Variants in IL15 observed in about 807,000 individuals in gnomAD.
IL15 encodes interleukin-15.
In IL15, 11 loss-of-function variants were observed where a neutral mutation model predicts 19.6. The ratio of observed to expected loss-of-function variants is 0.56; its 90% confidence interval spans 0.35 to 0.93. The LOEUF is 0.93. IL15 is among the 40% of genes least tolerant of loss of function. The pLI, the probability that IL15 is intolerant of heterozygous loss-of-function variation, is 0.01. For missense variants in IL15, 197 were observed against 186.5 expected, an observed-to-expected ratio of 1.06 and a Z score of -0.33; for synonymous variants, 58 against 59.6, an observed-to-expected ratio of 0.97 and a Z score of 0.12.
At chr4:141,723,251 G>A (rs1730149400) in intron 5 of IL15, among the ~76,000 whole-genome samples, 1 of 152,126 alleles carries the variant, frequency 6.6e-6, no homozygotes, top group African/African-American at 2.4e-5. Flanking sequence ...CTTAAAATGT[G>A]ATCTTATTTT....
At chr4:141,638,420 G>A (rs1560896119) in intron 1 of IL15, among the ~76,000 whole-genome samples, 1 of 152,154 alleles carries the variant, frequency 6.6e-6, no homozygotes, top group Non-Finnish European at 1.5e-5. Context: ...AGGGTCAGTT[G>A]ACCATTGGTC....
chr4:141,704,553 C>A, intron 2 of IL15: 2 of 336,636 alleles, frequency 5.9e-6, no homozygotes, highest in Non-Finnish European at 1.2e-5. Context: ...TTAATGCAGG[C>A]ATTATAAAAT....
In IL15 at chr4:141,733,097, A is replaced by G. The variant is rs1309244859; in HGVS notation, c.*249A>G. Reference sequence around the variant, plus strand: ...TTTTAATTTATTATTGAAATTGTACATATTTGTGGAATAATGTAAAATGTT... The same window carrying G: ...TTTTAATTTATTATTGAAATTGTACGTATTTGTGGAATAATGTAAAATGTT... On this transcript the variant is annotated 3_prime_UTR_variant, in exon 8 of 8. Transcript: ENST00000320650. 2.0e-5 allele frequency: 7 copies of G among 349,312 alleles called. No homozygotes were observed. Among genetic ancestry groups the G allele is most frequent in the South Asian group, 1.3e-4 (2 of 15,628 alleles). The allele number at this position is 349,312 out of a possible 1,614,324, so 21.6% of individuals were successfully genotyped here. A position where few individuals can be genotyped will look rare whatever the true frequency, so the allele number is the denominator to read the frequency against.
intron 2 of IL15, among the ~76,000 whole-genome samples, chr4:141,688,356 A>T (rs1047513168): frequency 2.6e-5 from 4 of 152,230 alleles, no homozygotes; most frequent in Non-Finnish European, 4.4e-5. Context: ...TCAAGAGGCA[A>T]TAATGTGTTA....
chr4:141,690,779 T>A (rs952254547), intron 2 of IL15, among the ~76,000 whole-genome samples: 1 of 152,146 alleles, frequency 6.6e-6, no homozygotes, highest in Non-Finnish European at 1.5e-5. Context: ...ATACTCCTAT[T>A]TTTTTCATTT....
In IL15 at chr4:141,727,965, A is replaced by G; in HGVS notation, c.221A>G (p.Tyr74Cys). The G allele has an allele frequency of 7.3e-7, 1 of 1,371,310 alleles. No individual in the cohort carries two copies. Among genetic ancestry groups the G allele is most frequent in the Non-Finnish European group, 1.0e-6 (1 of 978,086 alleles). 84.9% of individuals were successfully genotyped at this position (1,371,310 alleles called of 1,614,324 possible). ...IQSMHIDATL[Y>C]TESDVHPSCK... ...TCTATGCATATTGATGCTACTTTAT[A>G]TACGGAAAGTGATGTTCACGTGAGT... Residue 74 changes from tyrosine to cysteine, a missense_variant, in exon 6 of 8, where the codon TAT becomes TGT. Tyr to Cys is a radical substitution (Grantham distance 194). Transcript: ENST00000320650.
chr4:141,698,208 T>C (rs575897777), intron 2 of IL15, among the ~76,000 whole-genome samples: 288 of 152,246 alleles, frequency 1.9e-3, no homozygotes, highest in Non-Finnish European at 2.8e-3. Context: ...TGATGTATTA[T>C]CTTTTTGATA....
At chr4:141,661,130 C>A (rs1727772483) in intron 2 of IL15, among the ~76,000 whole-genome samples, 1 of 152,008 alleles carries the variant, frequency 6.6e-6, no homozygotes, top group Admixed American at 6.6e-5. Context: ...CAGTGAGTAA[C>A]CATAAAATCC....
chr4:141,675,017 A>G (rs1333506848), intron 2 of IL15, among the ~76,000 whole-genome samples: 1 of 152,188 alleles, frequency 6.6e-6, no homozygotes, highest in Non-Finnish European at 1.5e-5. Context: ...TTCATTATCA[A>G]GCTCATTCAG....
intron 2 of IL15, among the ~76,000 whole-genome samples, chr4:141,676,873 A>G (rs1157313216): frequency 6.6e-6 from 1 of 152,202 alleles, no homozygotes; most frequent in Non-Finnish European, 1.5e-5. Context: ...ACAGAAGACA[A>G]CTTAATGGAG....
chr4:141,721,091 C>CTATAGGT (rs1730057963), intron 4 of IL15: 4 of 1,476,068 alleles, frequency 2.7e-6, no homozygotes, highest in Non-Finnish European at 3.7e-6. Context: ...GCCCAAAGCA[C>CTATAGGT]CTAACCTATA....
At chr4:141,644,611 T>C (rs1727158500) in intron 1 of IL15, among the ~76,000 whole-genome samples, 1 of 152,182 alleles carries the variant, frequency 6.6e-6, no homozygotes, top group South Asian at 2.1e-4. Flanking sequence ...TATCTCGTTA[T>C]GGCATCAAAC....
rs139777973 is a variant in IL15 at position 141,664,274 on chromosome 4, A to G, written c.-100+7967A>G. Among the ~76,000 whole-genome samples the G allele has an allele frequency of 4.0e-5, 6 of 151,800 alleles. No individual in the cohort carries two copies. The East Asian group carries it at 9.7e-4, about 25-fold the overall frequency. The stretch of plus-strand genomic sequence containing the variant: ...TGTGAGAGTTTCTAACCATTACTCA[A>G]TTCCAGCATCTAAAATAGGAAAAAC... On this transcript the variant is annotated intron_variant, in intron 2 of 7. Transcript: ENST00000320650.
chr4:141,671,839 G>A (rs1728186705), intron 2 of IL15, among the ~76,000 whole-genome samples: 1 of 152,160 alleles, frequency 6.6e-6, no homozygotes, highest in Non-Finnish European at 1.5e-5. Context: ...GGGGAGGGAA[G>A]AGAGACTCCA....
chr4:141,722,406 G>A (rs2152190550), intron 5 of IL15, among the ~76,000 whole-genome samples: 1 of 152,212 alleles, frequency 6.6e-6, no homozygotes, highest in South Asian at 2.1e-4. Context: ...TTTTGCCATA[G>A]CAGGTAATAC....
chr4:141,642,172 G>A (rs1460207759), intron 1 of IL15, among the ~76,000 whole-genome samples: 3 of 152,084 alleles, frequency 2.0e-5, no homozygotes, highest in African/African-American at 4.8e-5. Context: ...GGTGAGGCAA[G>A]GCACATGTTA....
At chr4:141,729,450 C>T (rs1165282917) in intron 6 of IL15, among the ~76,000 whole-genome samples, 1 of 152,068 alleles carries the variant, frequency 6.6e-6, no homozygotes, top group Non-Finnish European at 1.5e-5. Flanking sequence ...TTAGCAGCTA[C>T]CACTATTTAA....
intron 1 of IL15, among the ~76,000 whole-genome samples, chr4:141,638,634 A>G (rs910712715): frequency 2.0e-5 from 3 of 152,214 alleles, no homozygotes; most frequent in Admixed American, 1.3e-4. Context: ...GCAAGGCACA[A>G]TGTTTATAAA....
intron 6 of IL15, among the ~76,000 whole-genome samples, chr4:141,729,300 T>G (rs2152193378): frequency 6.6e-6 from 1 of 152,276 alleles, no homozygotes; most frequent in South Asian, 2.1e-4. Context: ...GTGGAAAACA[T>G]ATTTTTGTGG....
Sources: allele counts gnomAD v4.1 joint callset (sites outside exome capture counted in the v4.1 genomes callset), GRCh38; gene constraint gnomAD v4.1.1; transcripts MANE v1.5; gene names NCBI Gene and HGNC (gene_info 2026-07-23, HGNC 2026-07-21).